MPHOSPH8: variants seen among roughly 807,000 people sequenced by gnomAD.
MPHOSPH8 encodes M-phase phosphoprotein 8.
Under a neutral mutation model 87.3 loss-of-function variants are expected in MPHOSPH8, and 45 were observed. The observed-to-expected ratio is 0.52, with a 90% CI of 0.41 to 0.66. MPHOSPH8 has a LOEUF of 0.66. Ranked by LOEUF, MPHOSPH8 falls within the 30% of genes least tolerant of loss-of-function variation. The pLI is 0.00. For missense variants in MPHOSPH8, 883 were observed against 1,020.2 expected, an observed-to-expected ratio of 0.87 and a Z score of 1.83; for synonymous variants, 366 against 376.9, an observed-to-expected ratio of 0.97 and a Z score of 0.33.
intron 5 of MPHOSPH8, among the ~76,000 whole-genome samples, chr13:19,651,937 A>C (rs1783656457): frequency 6.8e-6 from 1 of 148,136 alleles, no homozygotes; most frequent in Admixed American, 6.7e-5. Context: ...GTCTCTACTA[A>C]AAATACAAAA....
chr13:19,653,257 C>G (rs370097073), intron 5 of MPHOSPH8, among the ~76,000 whole-genome samples: 3 of 152,354 alleles, frequency 2.0e-5, no homozygotes, highest in Admixed American at 2.0e-4. Context: ...CTTTGCTGTT[C>G]TGCAGCTTCC....
intron 1 of MPHOSPH8, among the ~76,000 whole-genome samples, chr13:19,634,609 G>C (rs996558028): frequency 6.6e-6 from 1 of 152,118 alleles, no homozygotes; most frequent in Non-Finnish European, 1.5e-5. Flanking sequence ...TGCTTCCAAG[G>C]CCTCGGGGTG....
Position 19,646,702 on chromosome 13 carries a change from T to C in MPHOSPH8, c.629T>C (p.Leu210Pro). 6.3e-7 allele frequency: 1 copy of C among 1,591,322 alleles called. No individual in the cohort carries two copies. Among genetic ancestry groups the C allele is most frequent in the East Asian group, 2.2e-5 (1 of 44,664 alleles). The change falls in exon 3 of 14, where the codon CTA becomes CCA. Residue 210 changes from leucine (L) to proline (P), a missense_variant. By Grantham distance (98) the Leu-to-Pro change is moderately conservative. Transcript: ENST00000361479. ...AGAATTTCTGAAGCCAAAGAAGAAC[T>C]AAAGGAGTCCAAAAAGCCCAAAAAA... Reference protein sequence around the residue: ...KKRISEAKEELKESKKPKKDE... With the variant: ...KKRISEAKEEPKESKKPKKDE...
At chr13:19,637,706 C>T (rs2137494971) in intron 1 of MPHOSPH8, among the ~76,000 whole-genome samples, 1 of 152,190 alleles carries the variant, frequency 6.6e-6, no homozygotes, top group South Asian at 2.1e-4. Flanking sequence ...TTTTCTTTTC[C>T]CCCATTCATG....
chr13:19,643,515 G>A (rs886433609), intron 2 of MPHOSPH8, among the ~76,000 whole-genome samples: 6 of 152,118 alleles, frequency 3.9e-5, no homozygotes, highest in Non-Finnish European at 8.8e-5. Context: ...CAAAGTGTTG[G>A]TTGGGATTAC....
intron 2 of MPHOSPH8, among the ~76,000 whole-genome samples, chr13:19,645,054 G>A (rs1386161131): frequency 6.6e-6 from 1 of 151,870 alleles, no homozygotes; most frequent in Non-Finnish European, 1.5e-5. Flanking sequence ...TTTCCTCCTT[G>A]TGGGGCTTGG....
At chr13:19,646,403 A>G (rs181796903) in intron 2 of MPHOSPH8, 40 bp from the exon 3 acceptor site, 563 of 1,340,022 alleles carry the variant, frequency 4.2e-4, no homozygotes, top group Middle Eastern at 2.6e-3. Context: ...TTTAAAATCA[A>G]TATGTTAATG....
rs71198922 is a variant in MPHOSPH8, at chr13:19,656,277, C to CAAAAA, written c.1577-2699_1577-2695dup. ...CTGGACGACAGAGCAAGACTGTTGT[C>CAAAAA]AAAAAAAAAAAAAAAAAAAAAAACT... is the stretch of plus-strand genomic sequence containing the variant. On this transcript the variant is annotated intron_variant, in intron 5 of 13. Transcript: ENST00000361479. Among the ~76,000 whole-genome samples the CAAAAA allele has an allele frequency of 3.5e-4, 25 of 72,238 alleles. 1 individual carries two copies. The highest frequency in any genetic ancestry group is 6.0e-4 in the South Asian group (1 of 1,660). The allele number at this position is 72,238 out of a possible 152,430, so 47.4% of individuals were successfully genotyped here. A position where few individuals can be genotyped will look rare whatever the true frequency, so the allele number is the denominator to read the frequency against.
Position 19,650,213 on chromosome 13 carries a change from G to A in MPHOSPH8, c.1529G>A (p.Gly510Asp). The A allele has an allele frequency of 6.2e-7, 1 of 1,614,152 alleles. No individual in the cohort carries two copies. The highest frequency in any genetic ancestry group is 8.5e-7 in the Non-Finnish European group (1 of 1,180,024). ...ACTTGGGCATACATTGCTGCAGAAG[G>A]TGATCAGGAGGTTTTAGACAGCGTG... is the stretch of plus-strand genomic sequence containing the variant. ...TDTWAYIAAE[G>D]DQEVLDSVCQ... The change falls in exon 5 of 14, where the codon GGT becomes GAT. Residue 510 changes from glycine (G) to aspartate (D), a missense_variant. By Grantham distance (94) the Gly-to-Asp change is moderately conservative. This residue lies in a region of MPHOSPH8 where 741 missense variants were observed against 841.5 expected (regional missense o/e 0.88). Transcript: ENST00000361479.
chr13:19,634,127 A>T (rs192088923), intron 1 of MPHOSPH8, among the ~76,000 whole-genome samples, 166 bp downstream of exon 1: 7 of 152,228 alleles, frequency 4.6e-5, no homozygotes, highest in African/African-American at 1.4e-4. Context: ...GACATTTCCA[A>T]CTGCACTCTT....
chr13:19,653,433 A>C (rs561545612), intron 5 of MPHOSPH8, among the ~76,000 whole-genome samples: 3 of 152,224 alleles, frequency 2.0e-5, no homozygotes, highest in Non-Finnish European at 2.9e-5. Context: ...CAAAGACCAA[A>C]GGTAGATAAC....
At position 19,633,680 on chromosome 13, in the gene MPHOSPH8, C is replaced by T. The variant is rs995017957; in HGVS notation, c.-69C>T. ...CGCTGATGTGGAGTAGGGCCGAGCG[C>T]GGAACGCGAGGGGCTGCTGGGGTGT... On this transcript the variant is annotated 5_prime_UTR_variant, in exon 1 of 14. Transcript: ENST00000361479. 1.4e-5 allele frequency: 21 copies of T among 1,520,216 alleles called. No individual in the cohort carries two copies. Among genetic ancestry groups the T allele is most frequent in the Non-Finnish European group, 1.2e-5 (14 of 1,120,336 alleles). 94.2% of individuals were successfully genotyped at this position (1,520,216 alleles called of 1,614,324 possible).
rs764652961 is a variant in MPHOSPH8, at chr13:19,648,459, A to T, written c.1256A>T (p.Tyr419Phe). The T allele has an allele frequency of 6.3e-7, 1 of 1,591,026 alleles. No homozygotes were observed. Among genetic ancestry groups the T allele is most frequent in the East Asian group, 2.3e-5 (1 of 43,218 alleles). Residue 419 changes from tyrosine (Y) to phenylalanine (F), a missense_variant, in exon 4 of 14, where the codon TAT (tyrosine) becomes TTT (phenylalanine). Tyr to Phe is a conservative substitution (Grantham distance 22, BLOSUM62 3). Around this residue, in one of 3 missense-constraint regions of MPHOSPH8, gnomAD observed 741 missense variants for 841.5 expected, o/e 0.88. Coordinates refer to ENST00000361479, the MANE Select transcript of MPHOSPH8 (RefSeq NM_017520.4). ...AAAAGAAATGAATCCAAAGAAAAAT[A>T]TCAGAAAAGGCATGATTCTGACAAG... ...ETKRNESKEK[Y>F]QKRHDSDKEE...
In MPHOSPH8 at chr13:19,670,308, C is replaced by G. The variant is rs747635612; in HGVS notation, c.2402C>G (p.Pro801Arg). 6.2e-7 allele frequency: 1 copy of G among 1,614,062 alleles called. No individual in the cohort carries two copies. The highest frequency in any genetic ancestry group is 1.7e-5 in the Admixed American group (1 of 60,016). The change falls in exon 12 of 14, where the codon CCG (proline) becomes CGG (arginine). Residue 801 changes from proline (P) to arginine (R), a missense_variant. By Grantham distance (103) the Pro-to-Arg change is moderately radical. This residue lies in a region of MPHOSPH8 where 741 missense variants were observed against 841.5 expected (regional missense o/e 0.88). Coordinates refer to ENST00000361479, the MANE Select transcript of MPHOSPH8 (RefSeq NM_017520.4). ...GAAGTTATTGCTCGGCTCTGTGGACCGTGTAGTGTACAAGCTGTAGTTCTG... is the reference window on the plus strand; with the variant it reads ...GAAGTTATTGCTCGGCTCTGTGGACGGTGTAGTGTACAAGCTGTAGTTCTG... ...GKEVIARLCG[P>R]CSVQAVVLND... is the part of the protein sequence containing the mutation.
In MPHOSPH8 at chr13:19,671,711, T is replaced by C. The variant is rs1001398991; in HGVS notation, c.2542-123T>C. 4 of 814,758 alleles carry C rather than the reference T, an allele frequency of 4.9e-6. No homozygotes were observed. In the African/African-American group the frequency reaches 6.8e-5, roughly 14 times the overall value. The allele number at this position is 814,758 out of a possible 1,614,324, so 50.5% of individuals were successfully genotyped here. On this transcript the variant is annotated intron_variant, in intron 13 of 13. Coordinates refer to ENST00000361479, the MANE Select transcript of MPHOSPH8 (RefSeq NM_017520.4). ...ATGGCAATGATCTAACAATGTAAAT[T>C]GATAAGCAACTTGAAAATATTGCCA...
chr13:19,639,925 C>T (rs577994184), intron 1 of MPHOSPH8, among the ~76,000 whole-genome samples: 8 of 152,070 alleles, frequency 5.3e-5, no homozygotes, highest in South Asian at 2.1e-4. Context: ...GCCAACATGC[C>T]GAAACCCCAT....
chr13:19,662,762 G>C (rs1225196575), intron 8 of MPHOSPH8, among the ~76,000 whole-genome samples: 1 of 152,162 alleles, frequency 6.6e-6, no homozygotes, highest in Non-Finnish European at 1.5e-5. Flanking sequence ...TAATTGAAAT[G>C]TTTCCATATA....
At chr13:19,657,734 G>A (rs548203478) in intron 5 of MPHOSPH8, among the ~76,000 whole-genome samples, 1 of 152,246 alleles carries the variant, frequency 6.6e-6, no homozygotes, top group African/African-American at 2.4e-5. Context: ...TGTTCTTACA[G>A]CAGTCCTGTG....
chr13:19,673,236 T>C lies in MPHOSPH8; in HGVS notation c.*1361T>C. The C allele has an allele frequency of 2.4e-6, 1 of 419,506 alleles. No individual in the cohort carries two copies. Among genetic ancestry groups the C allele is most frequent in the South Asian group, 1.7e-5 (1 of 57,482 alleles). 26.0% of individuals were successfully genotyped at this position (419,506 alleles called of 1,614,324 possible). A position where few individuals can be genotyped will look rare whatever the true frequency, so the allele number is the denominator to read the frequency against. On this transcript the variant is annotated 3_prime_UTR_variant, in exon 14 of 14. Coordinates refer to ENST00000361479, the MANE Select transcript of MPHOSPH8 (RefSeq NM_017520.4). ...TCTCTGGGAAGAGTTCCTGCTTCTG[T>C]ATGGCAAGCATAAATCAAGCTCAGT...
Sources: allele counts gnomAD v4.1 joint callset (sites outside exome capture counted in the v4.1 genomes callset), GRCh38; gene constraint gnomAD v4.1.1; regional missense constraint gnomAD v4.1.1; transcripts MANE v1.5; gene names NCBI Gene and HGNC (gene_info 2026-07-23, HGNC 2026-07-21).